The following PFKP variants were observed in gnomAD, a reference collection of about 807,000 sequenced individuals.
The protein encoded by PFKP is ATP-dependent 6-phosphofructokinase, platelet type.
In PFKP, 101 loss-of-function variants were observed where a neutral mutation model predicts 94.3. The observed-to-expected ratio is 1.07, with a 90% CI of 0.91 to 1.26. PFKP has a LOEUF of 1.26. Ranked by LOEUF, PFKP falls within the 50% of genes most tolerant of loss-of-function variation. PFKP has a pLI of 0.00. For missense variants in PFKP, 1,145 were observed against 1,103.3 expected (o/e 1.04, Z -0.53); for synonymous variants, 573 against 432.6 (o/e 1.32, Z -4.03).
Position 3,119,529 on chromosome 10 carries a change from C to A in PFKP, c.1531-363C>A, listed in dbSNP as rs371579319. 3.3e-4 allele frequency among the ~76,000 whole-genome samples: 51 copies of A among 152,240 alleles called. 1 individual carries two copies. Among genetic ancestry groups the A allele is most frequent in the African/African-American group, 1.2e-3 (51 of 41,540 alleles). On this transcript the variant is annotated intron_variant, in intron 15 of 21. Transcript: ENST00000381125. The stretch of plus-strand genomic sequence containing the variant: ...CTGAGGCAGGAGAATCGCTTGAACC[C>A]GGGAGGCGGAGGTTGCAGTGAGACG...
chr10:3,106,055 G>A (rs1471385874), intron 7 of PFKP, among the ~76,000 whole-genome samples: 2 of 152,198 alleles, frequency 1.3e-5, no homozygotes, highest in Admixed American at 1.3e-4. Context: ...CCCTGTGTCC[G>A]CTCACGCCGT....
chr10:3,084,825 T>C lies in PFKP; in HGVS notation c.186+2364T>C, dbSNP rs550423791. On this transcript the variant is annotated intron_variant, in intron 2 of 21. Transcript: ENST00000381125. The stretch of plus-strand genomic sequence containing the variant: ...CTCCTCCCCAGTACAGTCTTCCACC[T>C]CGTCCCAAGCACAGTCCTCCACCCC... 2.0e-3 allele frequency among the ~76,000 whole-genome samples: 84 copies of C among 42,850 alleles called. 4 individuals carry two copies. The highest frequency in any genetic ancestry group is 9.4e-3 in the Admixed American group (28 of 2,992). The allele number at this position is 42,850 out of a possible 152,430, so 28.1% of individuals were successfully genotyped here.
chr10:3,103,757 G>A (rs765257016), intron 4 of PFKP, 22 bp from the exon 5 acceptor site: 13 of 1,613,128 alleles, frequency 8.1e-6, no homozygotes, highest in East Asian at 2.2e-5. Flanking sequence ...GCGATGAGAC[G>A]TGCTGTTTGC....
intron 14 of PFKP, 71 bp from the exon 15 acceptor site, chr10:3,118,711 C>A: frequency 9.4e-7 from 1 of 1,061,586 alleles, no homozygotes; most frequent in Non-Finnish European, 1.4e-6. Flanking sequence ...CGGGTGGGGA[C>A]CGGCGTGGCG....
At position 3,129,984 on chromosome 10, in the gene PFKP, G is replaced by T; in HGVS notation, c.1848+1G>T. ...GCCCTTCGACATCAGGGATCTGCAGGTATGTGACGGGGCTGGCCTCAGGGC... is the reference window on the plus strand; with the variant it reads ...GCCCTTCGACATCAGGGATCTGCAGTTATGTGACGGGGCTGGCCTCAGGGC... On this transcript the variant is annotated splice_donor_variant, in intron 17 of 21. Transcript: ENST00000381125. LOFTEE classifies it high-confidence loss of function. 6.4e-7 allele frequency: 1 copy of T among 1,570,038 alleles called. No individual in the cohort carries two copies. The highest frequency in any genetic ancestry group is 8.7e-7 in the Non-Finnish European group (1 of 1,155,028).
At chr10:3,089,232 A>G (rs1833861202) in intron 2 of PFKP, among the ~76,000 whole-genome samples, 1 of 152,138 alleles carries the variant, frequency 6.6e-6, no homozygotes, top group Non-Finnish European at 1.5e-5. Flanking sequence ...CCACGCCCAT[A>G]TGCCTGGCTT....
At chr10:3,127,240 G>A (rs1440758884) in intron 16 of PFKP, among the ~76,000 whole-genome samples, 1 of 152,242 alleles carries the variant, frequency 6.6e-6, no homozygotes, top group East Asian at 1.9e-4. Flanking sequence ...CTGTCGCTGC[G>A]TTTACACTGA....
chr10:3,107,468 A>G (rs1275238491), intron 8 of PFKP, among the ~76,000 whole-genome samples, 159 bp downstream of exon 8: 1 of 152,210 alleles, frequency 6.6e-6, no homozygotes, highest in Non-Finnish European at 1.5e-5. Context: ...CGGCAGGGGA[A>G]ACACGCAGCT....
intron 16 of PFKP, among the ~76,000 whole-genome samples, chr10:3,124,805 C>T (rs950670393): frequency 7.9e-5 from 12 of 151,958 alleles, no homozygotes; most frequent in African/African-American, 2.9e-4. Context: ...GTGACTAACT[C>T]GCCGTTGCCT....
chr10:3,097,942 T>G (rs1379366573), intron 2 of PFKP, among the ~76,000 whole-genome samples: 1 of 152,048 alleles, frequency 6.6e-6, no homozygotes, highest in Non-Finnish European at 1.5e-5. Flanking sequence ...CTGGGAGATG[T>G]AAGTTGCAGT....
Position 3,105,497 on chromosome 10 carries a change from C to A in PFKP, c.770C>A (p.Ser257Ter). Reference protein sequence around the residue: ...GWEEQMCVKLSENRARKKRLN... With the variant: ...GWEEQMCVKL ...GAGGAGCAGATGTGTGTCAAACTCT[C>A]GGAGGTAATGCGGGTCCCGTGGCCG... is the stretch of plus-strand genomic sequence containing the variant. The change falls in exon 7 of 22, where the codon TCG becomes TAG. Residue 257 changes from serine (S) to a stop codon, truncating the protein, a stop_gained. Coordinates refer to ENST00000381125, the MANE Select transcript of PFKP (RefSeq NM_002627.5). LOFTEE classifies it high-confidence loss of function. The A allele has an allele frequency of 1.2e-6, 2 of 1,607,242 alleles. No homozygotes were observed. Among genetic ancestry groups the A allele is most frequent in the Non-Finnish European group, 1.7e-6 (2 of 1,173,888 alleles).
chr10:3,113,064 C>G (rs1836415666), intron 11 of PFKP, 55 bp from the exon 12 acceptor site: 3 of 1,512,868 alleles, frequency 2.0e-6, no homozygotes, highest in African/African-American at 1.4e-5. Flanking sequence ...CCACATGAGC[C>G]CTGAGTTGTG....
At chr10:3,121,436 G>A (rs1268080136) in intron 16 of PFKP, among the ~76,000 whole-genome samples, 2 of 152,190 alleles carry the variant, frequency 1.3e-5, no homozygotes, top group African/African-American at 4.8e-5. Flanking sequence ...AGTTGGGTGT[G>A]CAATGGGAGG....
intron 3 of PFKP, chr10:3,100,924 C>A (rs757207542): frequency 6.4e-7 from 1 of 1,562,508 alleles, no homozygotes; most frequent in African/African-American, 1.4e-5. Context: ...CTTGCAGGTG[C>A]TGTAAGGGGT....
chr10:3,136,657 T>G lies in PFKP; in HGVS notation c.*78T>G. The G allele has an allele frequency of 6.7e-7, 1 of 1,493,360 alleles. No individual in the cohort carries two copies. The highest frequency in any genetic ancestry group is 1.4e-5 in the African/African-American group (1 of 72,694). 92.5% of individuals were successfully genotyped at this position (1,493,360 alleles called of 1,614,324 possible). A position where few individuals can be genotyped will look rare whatever the true frequency, so the allele number is the denominator to read the frequency against. On this transcript the variant is annotated 3_prime_UTR_variant, in exon 22 of 22. Coordinates refer to ENST00000381125, the MANE Select transcript of PFKP (RefSeq NM_002627.5). ...ACACTTAAGTTATTTTATCAGCACT[T>G]TATGCACGTATTATTGACATTAATA...
chr10:3,079,525 T>C lies in PFKP; in HGVS notation c.113-2863T>C, dbSNP rs535941166. Among the ~76,000 whole-genome samples, 25 of 152,100 alleles carry C rather than the reference T, an allele frequency of 1.6e-4. 1 individual carries two copies. The highest frequency in any genetic ancestry group is 5.9e-4 in the Admixed American group (9 of 15,272). ...CTGGGATTACAGGCGTGAGCCACCGTGCCCAGCCTCATGTCCAGCTTTTAA... is the reference window on the plus strand; with the variant it reads ...CTGGGATTACAGGCGTGAGCCACCGCGCCCAGCCTCATGTCCAGCTTTTAA... On this transcript the variant is annotated intron_variant, in intron 1 of 21. Transcript: ENST00000381125.
chr10:3,135,220 TAGC>T (rs1027843450), intron 20 of PFKP, among the ~76,000 whole-genome samples: 1 of 152,046 alleles, frequency 6.6e-6, no homozygotes, highest in Non-Finnish European at 1.5e-5. Context: ...TAATCAGTCA[TAGC>T]AGATGTGTGC....
At chr10:3,125,709 C>T (rs972510582) in intron 16 of PFKP, among the ~76,000 whole-genome samples, 4 of 152,222 alleles carry the variant, frequency 2.6e-5, no homozygotes, top group African/African-American at 4.8e-5. Flanking sequence ...GCCGAAATCA[C>T]GCCCTCCTGG....
rs1038743479 is a variant in PFKP at position 3,085,927 on chromosome 10, G to A, written c.186+3466G>A. ...CCTGACGAAGACCAGCTTAGTTTCC[G>A]CTGCTGCTGGAGCATATACATGTGC... is the stretch of plus-strand genomic sequence containing the variant. On this transcript the variant is annotated intron_variant, in intron 2 of 21. Coordinates refer to ENST00000381125, the MANE Select transcript of PFKP (RefSeq NM_002627.5). Among the ~76,000 whole-genome samples the A allele has an allele frequency of 1.4e-4, 19 of 136,342 alleles. 1 individual carries two copies. Among genetic ancestry groups the A allele is most frequent in the Admixed American group, 9.7e-4 (13 of 13,438 alleles). The allele number at this position is 136,342 out of a possible 152,430, so 89.4% of individuals were successfully genotyped here.
Sources: allele counts gnomAD v4.1 joint callset (sites outside exome capture counted in the v4.1 genomes callset), GRCh38; gene constraint gnomAD v4.1.1; transcripts MANE v1.5; gene names NCBI Gene and HGNC (gene_info 2026-07-23, HGNC 2026-07-21).